PDE4D: variants seen among roughly 807,000 people sequenced by gnomAD.
The protein encoded by PDE4D is phosphodiesterase 4D.
A neutral mutation model predicts 87.4 loss-of-function variants in PDE4D; 24 were observed. That is an observed-to-expected ratio of 0.27 (90% CI 0.20 to 0.39). PDE4D has a LOEUF of 0.39. Ranked by LOEUF, PDE4D falls within the 10% of genes least tolerant of loss-of-function variation. The pLI is 1.00. For missense variants in PDE4D, 714 were observed against 1,041.0 expected, an observed-to-expected ratio of 0.69 and a Z score of 4.32; for synonymous variants, 384 against 383.2, an observed-to-expected ratio of 1.00 and a Z score of -0.02.
Position 59,832,446 on chromosome 5 carries a change from A to G in PDE4D, c.455+60722T>C, listed in dbSNP as rs576811458. ...AGCTATTTTATGACACCAGACTGCA[A>G]GAATTAAAATCACATTAGGATGTCA... On this transcript the variant is annotated intron_variant, in intron 1 of 14. Transcript: ENST00000340635. Among the ~76,000 whole-genome samples, 5 of 152,218 alleles carry G rather than the reference A, an allele frequency of 3.3e-5. No individual in the cohort carries two copies. In the South Asian group the frequency reaches 1.0e-3, roughly 32 times the overall value.
intron 1 of PDE4D, among the ~76,000 whole-genome samples, chr5:59,320,959 A>C (rs900834910): frequency 6.6e-6 from 1 of 152,162 alleles, no homozygotes; most frequent in East Asian, 1.9e-4. Context: ...AAATTTGTTT[A>C]TAGAAAATAA....
chr5:59,126,739 A>C (rs1360674857), intron 5 of PDE4D, among the ~76,000 whole-genome samples: 1 of 152,204 alleles, frequency 6.6e-6, no homozygotes, highest in Non-Finnish European at 1.5e-5. Flanking sequence ...CATCTCGGAA[A>C]TCATTCTTTC....
chr5:58,990,797 A>G lies in PDE4D; in HGVS notation c.1287+7T>C. ...AAAATAAATGTAATAGAACTCAACCACCTTACCTGAAAAATGGTGTGCATG... is the reference window on the plus strand; with the variant it reads ...AAAATAAATGTAATAGAACTCAACCGCCTTACCTGAAAAATGGTGTGCATG... On this transcript the variant is annotated splice_region_variant and intron_variant, in intron 9 of 14. Transcript: ENST00000340635. 6.8e-7 allele frequency: 1 copy of G among 1,465,580 alleles called. No individual in the cohort carries two copies. The highest frequency in any genetic ancestry group is 1.2e-5 in the South Asian group (1 of 83,692). The allele number at this position is 1,465,580 out of a possible 1,614,324, so 90.8% of individuals were successfully genotyped here.
intron 1 of PDE4D, among the ~76,000 whole-genome samples, chr5:60,435,177 T>G (rs1230302641): frequency 6.6e-6 from 1 of 152,062 alleles, no homozygotes; most frequent in Non-Finnish European, 1.5e-5. Flanking sequence ...GTACAGATGG[T>G]TCCTTTTGAA....
At chr5:59,336,905 G>A (rs1777756634) in intron 1 of PDE4D, among the ~76,000 whole-genome samples, 1 of 152,144 alleles carries the variant, frequency 6.6e-6, no homozygotes, top group Non-Finnish European at 1.5e-5. Context: ...AGGGAGTCAG[G>A]AATCTATTTA....
At chr5:59,269,093 C>T (rs1447562054) in intron 1 of PDE4D, among the ~76,000 whole-genome samples, 1 of 151,592 alleles carries the variant, frequency 6.6e-6, no homozygotes, top group East Asian at 1.9e-4. Context: ...TGCCTCAGAT[C>T]CGTGGGGAAG....
chr5:59,837,836 G>C (rs1463704122), intron 1 of PDE4D, among the ~76,000 whole-genome samples: 1 of 151,966 alleles, frequency 6.6e-6, no homozygotes, highest in Admixed American at 6.6e-5. Context: ...CCAATATTTT[G>C]AAAAGTACAA....
At chr5:59,753,643 C>T (rs1036181487) in intron 1 of PDE4D, among the ~76,000 whole-genome samples, 6 of 152,016 alleles carry the variant, frequency 3.9e-5, no homozygotes, top group Admixed American at 2.0e-4. Flanking sequence ...ATTATGTAAC[C>T]GGGGGTACTT....
chr5:59,562,615 CTT>C lies in PDE4D; in HGVS notation c.455+330551_455+330552del, dbSNP rs1333656465. Among the ~76,000 whole-genome samples the C allele has an allele frequency of 3.3e-5, 5 of 152,130 alleles. No homozygotes were observed. The East Asian group carries it at 7.7e-4, about 23-fold the overall frequency. ...TTTCAAAATCTATGTTTTTCCGTCTCTTTGTCACTCACAATTATTTCAAATAT... is the reference window on the plus strand; with the variant it reads ...TTTCAAAATCTATGTTTTTCCGTCTCTGTCACTCACAATTATTTCAAATAT... On this transcript the variant is annotated intron_variant, in intron 1 of 14. Coordinates refer to ENST00000340635, the MANE Select transcript of PDE4D (RefSeq NM_001104631.2).
intron 1 of PDE4D, among the ~76,000 whole-genome samples, chr5:59,323,213 A>T (rs1775032820): frequency 6.6e-6 from 1 of 152,074 alleles, no homozygotes; most frequent in African/African-American, 2.4e-5. Context: ...TTCAACTAAA[A>T]TTTTTTTCTT....
At chr5:59,565,321 C>T (rs907251492) in intron 1 of PDE4D, among the ~76,000 whole-genome samples, 4 of 152,016 alleles carry the variant, frequency 2.6e-5, no homozygotes, top group Non-Finnish European at 5.9e-5. Flanking sequence ...GAGATCAAAA[C>T]CAACTTGGGC....
intron 5 of PDE4D, among the ~76,000 whole-genome samples, chr5:59,130,277 A>G (rs1181139311): frequency 1.3e-5 from 2 of 152,334 alleles, no homozygotes; most frequent in South Asian, 2.1e-4. Flanking sequence ...CAAACATCCA[A>G]TATTTCCTAG....
chr5:59,468,900 G>A (rs1460391857), intron 1 of PDE4D, among the ~76,000 whole-genome samples: 1 of 152,156 alleles, frequency 6.6e-6, no homozygotes, highest in Non-Finnish European at 1.5e-5. Flanking sequence ...AGACACTGGT[G>A]GCTCATGAGA....
At chr5:59,016,390 CTTTTTTTTTT>C (rs35622981) in intron 6 of PDE4D, among the ~76,000 whole-genome samples, 3 of 78,562 alleles carry the variant, frequency 3.8e-5, no homozygotes, top group African/African-American at 1.5e-4. Context: ...TCAGTCTGTT[CTTTTTTTTTT>C]TTTTTTTTTT....
chr5:59,738,827 CTCATT>C (rs938889938), intron 1 of PDE4D, among the ~76,000 whole-genome samples: 1 of 151,784 alleles, frequency 6.6e-6, no homozygotes, highest in African/African-American at 2.4e-5. Flanking sequence ...ATACTTCTTA[CTCATT>C]TCTTTTTATC....
chr5:60,401,660 G>A (rs918591), intron 1 of PDE4D, among the ~76,000 whole-genome samples: 59,944 of 152,060 alleles, frequency 0.39, 14,289 homozygotes, highest in African/African-American at 0.66. Flanking sequence ...AGGAGTCTAC[G>A]TGTTAAACGT....
chr5:59,971,713 T>C (rs1486463158), intron 3 of PDE4D, among the ~76,000 whole-genome samples: 2 of 152,150 alleles, frequency 1.3e-5, no homozygotes, highest in Admixed American at 6.5e-5. Flanking sequence ...AAATAATGCA[T>C]TAAAATAAAA....
intron 1 of PDE4D, among the ~76,000 whole-genome samples, chr5:60,380,567 G>A (rs931903182): frequency 5.9e-5 from 9 of 152,198 alleles, no homozygotes; most frequent in Admixed American, 1.3e-4. Flanking sequence ...CTTTGGAGCA[G>A]AGCTGCAGTC....
At chr5:59,457,672 C>T (rs1800136896) in intron 1 of PDE4D, among the ~76,000 whole-genome samples, 1 of 152,034 alleles carries the variant, frequency 6.6e-6, no homozygotes, top group South Asian at 2.1e-4. Context: ...AGGTGGATCA[C>T]CTGAGGTCAG....
Sources: gnomAD v4.1 joint callset for allele counts (sites outside exome capture counted in the v4.1 genomes callset) on GRCh38, gnomAD v4.1.1 for gene constraint, MANE v1.5 for transcripts, NCBI Gene and HGNC (gene_info 2026-07-23, HGNC 2026-07-21) for gene names.